The following SLC4A4 variants were observed in gnomAD, a reference collection of about 807,000 sequenced individuals.
The protein encoded by SLC4A4 is electrogenic sodium bicarbonate cotransporter 1.
Under a neutral mutation model 111.5 loss-of-function variants are expected in SLC4A4, and 27 were observed. The observed-to-expected ratio is 0.24, with a 90% CI of 0.18 to 0.33. The LOEUF is 0.33. SLC4A4 is among the 10% of genes least tolerant of loss of function. The pLI, the probability that SLC4A4 is intolerant of heterozygous loss-of-function variation, is 1.00. For missense variants in SLC4A4, 909 were observed against 1,315.5 expected, an observed-to-expected ratio of 0.69 and a Z score of 4.78; for synonymous variants, 443 against 463.4, an observed-to-expected ratio of 0.96 and a Z score of 0.57.
At chr4:71,406,371 A>G (rs907659219) in intron 7 of SLC4A4, among the ~76,000 whole-genome samples, 3 of 151,814 alleles carry the variant, frequency 2.0e-5, no homozygotes, top group African/African-American at 7.3e-5. Context: ...ACTGCTCCCC[A>G]ATTTCCCTCT....
At chr4:71,483,398 C>T (rs1729069732) in intron 14 of SLC4A4, among the ~76,000 whole-genome samples, 1 of 151,934 alleles carries the variant, frequency 6.6e-6, no homozygotes. Flanking sequence ...TCATTTAGCT[C>T]TCATTCATAA....
intron 4 of SLC4A4, among the ~76,000 whole-genome samples, chr4:71,342,795 C>T (rs1232953087): frequency 2.0e-5 from 3 of 152,116 alleles, no homozygotes; most frequent in Non-Finnish European, 4.4e-5. Context: ...AGGATTTTCA[C>T]TCAAGATTTT....
At chr4:71,535,327 T>C (rs1285147125) in intron 18 of SLC4A4, among the ~76,000 whole-genome samples, 1 of 152,056 alleles carries the variant, frequency 6.6e-6, no homozygotes, top group Non-Finnish European at 1.5e-5. Flanking sequence ...CAGAAACCCA[T>C]TGAGCAGAGG....
chr4:71,324,280 AC>A (rs1727338721), intron 3 of SLC4A4, among the ~76,000 whole-genome samples: 1 of 151,930 alleles, frequency 6.6e-6, no homozygotes, highest in Non-Finnish European at 1.5e-5. Flanking sequence ...TAGTTTAGTT[AC>A]TTAGTTTAGG....
chr4:71,300,424 T>C, intron 3 of SLC4A4: 1 of 233,666 alleles, frequency 4.3e-6, no homozygotes, highest in Non-Finnish European at 9.0e-6. Context: ...CTGTGCTTCA[T>C]GACAGCGGAC....
intron 16 of SLC4A4, among the ~76,000 whole-genome samples, chr4:71,513,495 T>G (rs575541156): frequency 6.6e-6 from 1 of 152,316 alleles, no homozygotes; most frequent in Admixed American, 6.5e-5. Flanking sequence ...GCAACTGTAC[T>G]AATTTTTTTA....
intron 7 of SLC4A4, among the ~76,000 whole-genome samples, chr4:71,413,876 G>C (rs1051940290): frequency 6.6e-6 from 1 of 152,052 alleles, no homozygotes; most frequent in Non-Finnish European, 1.5e-5. Context: ...TTCCCACTGT[G>C]GTGGTCTGTG....
At chr4:71,222,223 A>T (rs1431013015) in intron 1 of SLC4A4, among the ~76,000 whole-genome samples, 2 of 151,968 alleles carry the variant, frequency 1.3e-5, no homozygotes. Flanking sequence ...ACTCTGCACC[A>T]CCTACTGGCC....
At chr4:71,173,513 T>C (rs1421734082) in intron 2 of SLC4A4, among the ~76,000 whole-genome samples, 2 of 152,216 alleles carry the variant, frequency 1.3e-5, no homozygotes, top group African/African-American at 4.8e-5. Flanking sequence ...CCCAAGTAGC[T>C]GGGATTACAG....
intron 6 of SLC4A4, among the ~76,000 whole-genome samples, chr4:71,378,871 A>G (rs1303654075): frequency 6.6e-6 from 1 of 152,116 alleles, no homozygotes; most frequent in Non-Finnish European, 1.5e-5. Flanking sequence ...CCTCCACCTC[A>G]ATAGATCCTC....
At chr4:71,498,511 T>G (rs951037436) in intron 16 of SLC4A4, among the ~76,000 whole-genome samples, 10 of 152,280 alleles carry the variant, frequency 6.6e-5, no homozygotes, top group South Asian at 2.1e-4. Flanking sequence ...CAGCTCTTCT[T>G]GCATTATATG....
chr4:71,170,057 C>T (rs1366068964), intron 2 of SLC4A4, among the ~76,000 whole-genome samples: 1 of 152,192 alleles, frequency 6.6e-6, no homozygotes, highest in Non-Finnish European at 1.5e-5. Context: ...AGCACATTCC[C>T]CAACATGCTC....
At chr4:71,551,756 C>T (rs1560613797) in intron 20 of SLC4A4, among the ~76,000 whole-genome samples, 1 of 151,874 alleles carries the variant, frequency 6.6e-6, no homozygotes, top group East Asian at 1.9e-4. Context: ...ACTTCCAGTC[C>T]TTTCATGTGC....
At chr4:71,454,831 G>A (rs976601901) in intron 12 of SLC4A4, among the ~76,000 whole-genome samples, 1 of 152,090 alleles carries the variant, frequency 6.6e-6, no homozygotes, top group African/African-American at 2.4e-5. Context: ...ATGGCTGGAT[G>A]GTGGGTTGGC....
intron 2 of SLC4A4, among the ~76,000 whole-genome samples, chr4:71,236,865 T>A (rs1027737604): frequency 4.6e-5 from 7 of 152,216 alleles, no homozygotes; most frequent in African/African-American, 1.7e-4. Flanking sequence ...CTTGCCTGGT[T>A]TAAAAAAAGT....
chr4:71,363,397 G>A (rs1200947234), intron 6 of SLC4A4, among the ~76,000 whole-genome samples: 1 of 152,072 alleles, frequency 6.6e-6, no homozygotes, highest in East Asian at 1.9e-4. Context: ...CGCCAGGTCT[G>A]GTAGCTTTCT....
intron 14 of SLC4A4, among the ~76,000 whole-genome samples, chr4:71,482,902 A>C (rs1196376965): frequency 6.6e-6 from 1 of 151,628 alleles, no homozygotes; most frequent in Non-Finnish European, 1.5e-5. Flanking sequence ...TCTGCTTCTG[A>C]TAAACTATAA....
chr4:71,188,392 C>T (rs1745588045), intron 1 of SLC4A4, among the ~76,000 whole-genome samples: 1 of 152,198 alleles, frequency 6.6e-6, no homozygotes, highest in Non-Finnish European at 1.5e-5. Context: ...TCCAACTTGA[C>T]ACTGAAGAGC....
At chr4:71,094,417 A>G (rs10222869) in intron 2 of SLC4A4, among the ~76,000 whole-genome samples, 13,941 of 145,358 alleles carry the variant, frequency 0.096, 788 homozygotes, top group African/African-American at 0.17. Context: ...TATTTTTGGC[A>G]TTACATTATA....
Sources: gnomAD v4.1 joint callset for allele counts (sites outside exome capture counted in the v4.1 genomes callset) on GRCh38, gnomAD v4.1.1 for gene constraint, MANE v1.5 for transcripts, NCBI Gene and HGNC (gene_info 2026-07-23, HGNC 2026-07-21) for gene names.